The following SVOPL variants were observed in gnomAD, a reference collection of about 807,000 sequenced individuals.
SVOPL encodes putative transporter SVOPL.
Under a neutral mutation model 61.0 loss-of-function variants are expected in SVOPL, and 60 were observed. The observed-to-expected ratio is 0.98, with a 90% CI of 0.80 to 1.22. SVOPL has a LOEUF of 1.22. Among genes scored for constraint, SVOPL ranks in the 50% most tolerant of loss-of-function variants. SVOPL has a pLI of 0.00. For synonymous variants in SVOPL, 279 were observed against 250.0 expected, an observed-to-expected ratio of 1.12 and a Z score of -1.09; for missense variants, 662 against 643.9, an observed-to-expected ratio of 1.03 and a Z score of -0.30.
intron 7 of SVOPL, among the ~76,000 whole-genome samples, chr7:138,655,435 G>A (rs868419474): frequency 2.4e-4 from 37 of 152,034 alleles, no homozygotes; most frequent in African/African-American, 8.5e-4. Context: ...AACCCAGGAG[G>A]CAGAGGTTGT....
chr7:138,677,061 G>GCA (rs1563135301), intron 3 of SVOPL, among the ~76,000 whole-genome samples: 1 of 151,944 alleles, frequency 6.6e-6, no homozygotes, highest in Admixed American at 6.6e-5. Context: ...CCGCCACCAT[G>GCA]CCCGTCTCAT....
intron 4 of SVOPL, 139 bp from the exon 5 acceptor site, chr7:138,663,284 T>A: frequency 6.7e-7 from 1 of 1,488,330 alleles, no homozygotes; most frequent in Non-Finnish European, 9.0e-7. Context: ...TTCACGTTGG[T>A]CTTGCTTGCC....
At chr7:138,648,817 G>A (rs962666633) in intron 8 of SVOPL, among the ~76,000 whole-genome samples, 195 bp downstream of exon 8, 4 of 152,146 alleles carry the variant, frequency 2.6e-5, no homozygotes, top group African/African-American at 4.8e-5. Flanking sequence ...AGCTACTCGG[G>A]AGGCTGAGGC....
intron 13 of SVOPL, among the ~76,000 whole-genome samples, chr7:138,623,518 T>C (rs1799763418): frequency 6.6e-6 from 1 of 152,064 alleles, no homozygotes; most frequent in African/African-American, 2.4e-5. Flanking sequence ...GAGAATGGCG[T>C]GAACCCGGGA....
At position 138,679,093 on chromosome 7, in the gene SVOPL, G is replaced by T. The variant is rs1373242973; in HGVS notation, c.-34-14C>A. 2 of 1,490,512 alleles carry T rather than the reference G, an allele frequency of 1.3e-6. No homozygotes were observed. The highest frequency in any genetic ancestry group is 1.8e-6 in the Non-Finnish European group (2 of 1,093,190). The allele number at this position is 1,490,512 out of a possible 1,614,324, so 92.3% of individuals were successfully genotyped here. A position where few individuals can be genotyped will look rare whatever the true frequency, so the allele number is the denominator to read the frequency against. On this transcript the variant is annotated splice_polypyrimidine_tract_variant and intron_variant, in intron 1 of 15. Coordinates refer to ENST00000674285, the MANE Select transcript of SVOPL (RefSeq NM_001139456.2). The stretch of plus-strand genomic sequence containing the variant: ...CAAACAGCTTCCCTGGTGGAAGCAA[G>T]GGAGGGAAGAAGGAAAGAAATATAA...
intron 14 of SVOPL, among the ~76,000 whole-genome samples, chr7:138,612,448 A>AAAAAAAAAAAAAAAAAAAAAAAAT: frequency 7.3e-5 from 1 of 13,724 alleles, no homozygotes; most frequent in African/African-American, 1.8e-4. Flanking sequence ...AAAAAAAAAT[A>AAAAAAAAAAAAAAAAAAAAAAAAT]AAAAAAAAAA....
chr7:138,609,384 C>T (rs891373001), intron 14 of SVOPL, among the ~76,000 whole-genome samples: 4 of 151,618 alleles, frequency 2.6e-5, no homozygotes, highest in Non-Finnish European at 4.4e-5. Flanking sequence ...CGATGGCTCA[C>T]GCCTGTAATC....
intron 14 of SVOPL, among the ~76,000 whole-genome samples, chr7:138,617,664 A>C (rs1659818): frequency 3.3e-5 from 5 of 151,932 alleles, no homozygotes; most frequent in Admixed American, 6.6e-5. Context: ...GTGAGACCTC[A>C]TCTCTACTAA....
chr7:138,603,502 A>G (rs1659827), intron 14 of SVOPL, among the ~76,000 whole-genome samples: 114,783 of 151,978 alleles, frequency 0.76, 43,809 homozygotes, highest in African/African-American at 0.79. Context: ...TGGCCAACAC[A>G]GTGAAACCCC....
intron 6 of SVOPL, among the ~76,000 whole-genome samples, chr7:138,659,013 AT>A (rs1200145580): frequency 3.9e-5 from 6 of 152,000 alleles, no homozygotes; most frequent in African/African-American, 1.5e-4. Context: ...GCCTCATTAT[AT>A]CCCTCTAGCA....
intron 1 of SVOPL, among the ~76,000 whole-genome samples, chr7:138,689,686 G>A (rs141937780): frequency 0.027 from 4,115 of 151,666 alleles, 103 homozygotes; most frequent in South Asian, 0.093. Flanking sequence ...GTGAAACCCC[G>A]TCTCTACTAA....
intron 13 of SVOPL, among the ~76,000 whole-genome samples, chr7:138,622,142 C>CTA (rs1799656792): frequency 7.8e-5 from 6 of 77,136 alleles, no homozygotes; most frequent in African/African-American, 2.2e-4. Context: ...ATCTATGTAT[C>CTA]TATCTATGTA....
At chr7:138,613,747 A>C (rs1362688302) in intron 14 of SVOPL, among the ~76,000 whole-genome samples, 1 of 152,180 alleles carries the variant, frequency 6.6e-6, no homozygotes, top group African/African-American at 2.4e-5. Flanking sequence ...CTTGAATGTA[A>C]GCCTCTTGAG....
chr7:138,691,402 T>C (rs1159239468), intron 1 of SVOPL, among the ~76,000 whole-genome samples: 3 of 152,220 alleles, frequency 2.0e-5, no homozygotes, highest in Non-Finnish European at 4.4e-5. Flanking sequence ...TATTTTACAA[T>C]TTTAACAATC....
rs1563133045 is a variant in SVOPL, at chr7:138,672,131, GAC to G, written c.175-16_175-15del. 1 of 1,550,644 alleles carries G rather than the reference GAC, an allele frequency of 6.4e-7. No homozygotes were observed. On this transcript the variant is annotated splice_polypyrimidine_tract_variant and intron_variant, in intron 3 of 15. Transcript: ENST00000674285. ...GGCCTCAACCACCTTAAAGAAGAGGGACACCATGCCATGTCTAAGTGCCAGCT... is the reference window on the plus strand; with the variant it reads ...GGCCTCAACCACCTTAAAGAAGAGGGACCATGCCATGTCTAAGTGCCAGCT...
chr7:138,648,881 C>T, intron 8 of SVOPL, 131 bp downstream of exon 8: 1 of 1,403,188 alleles, frequency 7.1e-7, no homozygotes, highest in Non-Finnish European at 9.6e-7. Context: ...GAGATTGCAC[C>T]TCTGCACTGC....
At chr7:138,611,856 T>C (rs1364385631) in intron 14 of SVOPL, among the ~76,000 whole-genome samples, 548 of 66,256 alleles carry the variant, frequency 8.3e-3, no homozygotes, top group South Asian at 0.012. Context: ...AGTGCCGAGA[T>C]TGCAGCCTCT....
At chr7:138,670,976 C>T (rs940256601) in intron 4 of SVOPL, among the ~76,000 whole-genome samples, 1 of 152,146 alleles carries the variant, frequency 6.6e-6, no homozygotes, top group Non-Finnish European at 1.5e-5. Flanking sequence ...CTTTCATACC[C>T]ATTTAATCAG....
chr7:138,698,419 C>A (rs1048783014), intron 1 of SVOPL, among the ~76,000 whole-genome samples: 2 of 152,132 alleles, frequency 1.3e-5, no homozygotes, highest in African/African-American at 4.8e-5. Flanking sequence ...CTCACACCCC[C>A]TCGCTAGACT....
Sources: gnomAD v4.1 joint callset for allele counts (sites outside exome capture counted in the v4.1 genomes callset) on GRCh38, gnomAD v4.1.1 for gene constraint, MANE v1.5 for transcripts, NCBI Gene and HGNC (gene_info 2026-07-23, HGNC 2026-07-21) for gene names.